ST8SIA6: variants seen among roughly 807,000 people sequenced by gnomAD.
The protein encoded by ST8SIA6 is alpha-2,8-sialyltransferase 8F.
Under a neutral mutation model 33.6 loss-of-function variants are expected in ST8SIA6, and 39 were observed. That is an observed-to-expected ratio of 1.16 (90% confidence interval 0.90 to 1.52). The LOEUF is 1.52. Ranked by LOEUF, ST8SIA6 falls within the 40% of genes most tolerant of loss-of-function variation. ST8SIA6 has a pLI of 0.00. For missense variants in ST8SIA6, 441 were observed against 443.8 expected (o/e 0.99, Z 0.06); for synonymous variants, 172 against 167.2 (o/e 1.03, Z -0.22).
chr10:17,439,027 T>A (rs1285232817), intron 2 of ST8SIA6, among the ~76,000 whole-genome samples: 1 of 152,206 alleles, frequency 6.6e-6, no homozygotes, highest in African/African-American at 2.4e-5. Context: ...CTCCATAAGA[T>A]GACATATTAT....
intron 2 of ST8SIA6, among the ~76,000 whole-genome samples, chr10:17,404,723 C>T (rs893787198): frequency 2.0e-5 from 3 of 152,108 alleles, no homozygotes; most frequent in Non-Finnish European, 4.4e-5. Flanking sequence ...CTGCTCCTTG[C>T]CTATAAATCC....
chr10:17,411,682 C>A (rs1194074557), intron 2 of ST8SIA6, among the ~76,000 whole-genome samples: 1 of 152,170 alleles, frequency 6.6e-6, no homozygotes, highest in African/African-American at 2.4e-5. Flanking sequence ...AGCCCAGGTG[C>A]TTTGTCTCTA....
chr10:17,445,391 G>A (rs1001239875), intron 2 of ST8SIA6, among the ~76,000 whole-genome samples: 1 of 152,198 alleles, frequency 6.6e-6, no homozygotes, highest in Non-Finnish European at 1.5e-5. Context: ...CTGGCTTGGG[G>A]AAGAGATATT....
At chr10:17,433,889 C>A (rs1476582589) in intron 2 of ST8SIA6, among the ~76,000 whole-genome samples, 1 of 152,170 alleles carries the variant, frequency 6.6e-6, no homozygotes, top group Admixed American at 6.5e-5. Flanking sequence ...AACACATATC[C>A]TGGGACCCAG....
chr10:17,421,832 A>T (rs1851788713), intron 2 of ST8SIA6, among the ~76,000 whole-genome samples: 1 of 152,158 alleles, frequency 6.6e-6, no homozygotes. Context: ...TTCACAAAGT[A>T]CTGGGATAAT....
intron 2 of ST8SIA6, among the ~76,000 whole-genome samples, chr10:17,406,916 T>C (rs1285956922): frequency 1.3e-5 from 2 of 150,018 alleles, no homozygotes; most frequent in Non-Finnish European, 3.0e-5. Flanking sequence ...CCCATCAGCC[T>C]CCCAAGTAGC....
intron 3 of ST8SIA6, among the ~76,000 whole-genome samples, chr10:17,379,721 T>C (rs1266790329): frequency 6.6e-6 from 1 of 152,188 alleles, no homozygotes; most frequent in Non-Finnish European, 1.5e-5. Flanking sequence ...TATTGATTGA[T>C]GTCTCATGTC....
In ST8SIA6 at chr10:17,315,521, A is replaced by G. The variant is rs557846244; in HGVS notation, c.*5357T>C. On this transcript the variant is annotated 3_prime_UTR_variant, in exon 8 of 8. Coordinates refer to ENST00000377602, the MANE Select transcript of ST8SIA6 (RefSeq NM_001004470.3). ...TAAGCCAACTGTGGTCCATCCATAT[A>G]ACATAATTCTACTCAGTAAATAAAG... 6.6e-6 allele frequency among the ~76,000 whole-genome samples: 1 copy of G among 152,200 alleles called. No homozygotes were observed. Among genetic ancestry groups the G allele is most frequent in the Non-Finnish European group, 1.5e-5 (1 of 67,884 alleles).
intron 3 of ST8SIA6, among the ~76,000 whole-genome samples, chr10:17,381,073 C>T (rs769563020): frequency 1.7e-4 from 25 of 150,596 alleles, no homozygotes; most frequent in African/African-American, 6.1e-4. Context: ...CGAGTTCTGT[C>T]GTCACCTGAT....
At chr10:17,376,736 A>G (rs577712944) in intron 3 of ST8SIA6, among the ~76,000 whole-genome samples, 5 of 152,328 alleles carry the variant, frequency 3.3e-5, no homozygotes, top group Admixed American at 2.6e-4. Context: ...TAAGATGGCT[A>G]TAAAGCATTT....
rs1354749887 is a variant in ST8SIA6, at chr10:17,323,123, T to C, written c.670A>G (p.Lys224Glu). Residue 224 changes from lysine (K) to glutamate (E), a missense_variant, in exon 7 of 8, where the codon AAA (lysine) becomes GAA (glutamate). Coordinates refer to ENST00000377602, the MANE Select transcript of ST8SIA6 (RefSeq NM_001004470.3). ...NLPPTTGDVS[K>E]DVGSKTNLVT... The stretch of plus-strand genomic sequence containing the variant: ...AGATTTGTTTTACTGCCAACATCTT[T>C]ACTAACATCTCCTGTGGTTGGGGGT... The C allele has an allele frequency of 6.2e-7, 1 of 1,613,848 alleles. No homozygotes were observed. Among genetic ancestry groups the C allele is most frequent in the Non-Finnish European group, 8.5e-7 (1 of 1,179,848 alleles).
chr10:17,450,544 G>A (rs1053782203), intron 2 of ST8SIA6, among the ~76,000 whole-genome samples: 6 of 152,100 alleles, frequency 3.9e-5, no homozygotes, highest in South Asian at 2.1e-4. Context: ...TGGTTCAAGC[G>A]ATTCTCACCT....
At chr10:17,436,640 G>C (rs1267355892) in intron 2 of ST8SIA6, among the ~76,000 whole-genome samples, 1 of 150,250 alleles carries the variant, frequency 6.7e-6, no homozygotes, top group Non-Finnish European at 1.5e-5. Context: ...TTTTGTCCTT[G>C]TGATAGTTTG....
intron 2 of ST8SIA6, among the ~76,000 whole-genome samples, chr10:17,404,259 A>G (rs1447010336): frequency 6.6e-6 from 1 of 152,130 alleles, no homozygotes; most frequent in Admixed American, 6.5e-5. Flanking sequence ...GGAAGATTAA[A>G]TAACATACCC....
At chr10:17,405,899 AAAAG>A (rs1180593695) in intron 2 of ST8SIA6, among the ~76,000 whole-genome samples, 2 of 150,282 alleles carry the variant, frequency 1.3e-5, no homozygotes, top group Non-Finnish European at 2.9e-5. Context: ...AAAAAAAAAA[AAAAG>A]AAGAAAGTTA....
chr10:17,452,370 AT>A (rs1413282024), intron 2 of ST8SIA6, among the ~76,000 whole-genome samples: 2 of 152,210 alleles, frequency 1.3e-5, no homozygotes, highest in African/African-American at 4.8e-5. Context: ...AGAGCCAAGA[AT>A]ATAGAGAAGC....
intron 3 of ST8SIA6, among the ~76,000 whole-genome samples, chr10:17,379,080 C>G (rs1272653553): frequency 2.0e-5 from 3 of 150,668 alleles, no homozygotes; most frequent in African/African-American, 7.4e-5. Flanking sequence ...GAGCTGAGAT[C>G]GCACCACTGC....
intron 4 of ST8SIA6, among the ~76,000 whole-genome samples, chr10:17,353,779 C>T (rs1444856486): frequency 6.6e-6 from 1 of 152,086 alleles, no homozygotes; most frequent in Non-Finnish European, 1.5e-5. Context: ...TGTTTCCTGC[C>T]ACTAAGTTTT....
chr10:17,342,407 C>T (rs1231472971), intron 4 of ST8SIA6, among the ~76,000 whole-genome samples: 3 of 152,048 alleles, frequency 2.0e-5, no homozygotes, highest in Non-Finnish European at 2.9e-5. Flanking sequence ...CTGTTAACAC[C>T]GAACCCAGCG....
Sources: gnomAD v4.1 joint callset for allele counts (sites outside exome capture counted in the v4.1 genomes callset) on GRCh38, gnomAD v4.1.1 for gene constraint, MANE v1.5 for transcripts, NCBI Gene and HGNC (gene_info 2026-07-23, HGNC 2026-07-21) for gene names.